Variants in RAB3C observed in about 807,000 individuals in gnomAD.
RAB3C encodes ras-related protein Rab-3C.
Under a neutral mutation model 26.4 loss-of-function variants are expected in RAB3C, and 17 were observed. The observed-to-expected ratio is 0.64, with a 90% confidence interval of 0.44 to 0.97. The LOEUF is 0.97. RAB3C is among the 50% of genes least tolerant of loss of function. The pLI, the probability that RAB3C is intolerant of heterozygous loss-of-function variation, is 0.00. For synonymous variants in RAB3C, 91 were observed against 95.9 expected (o/e 0.95, Z 0.30); for missense variants, 242 against 281.9 (o/e 0.86, Z 1.01).
intron 3 of RAB3C, among the ~76,000 whole-genome samples, chr5:58,763,041 A>AGG (rs1741830074): frequency 6.6e-6 from 1 of 152,244 alleles, no homozygotes; most frequent in South Asian, 2.1e-4. Context: ...AATGGGAACA[A>AGG]AACTTTTTTC....
intron 4 of RAB3C, among the ~76,000 whole-genome samples, chr5:58,828,100 G>A (rs1288581032): frequency 6.6e-6 from 1 of 152,182 alleles, no homozygotes; most frequent in Non-Finnish European, 1.5e-5. Context: ...TTGTAATGGA[G>A]CTCTTTAAAA....
rs562188288 is a variant in RAB3C at position 58,598,758 on chromosome 5, TAGG to T, written c.24+15529_24+15531del. Among the ~76,000 whole-genome samples the T allele has an allele frequency of 4.3e-3, 652 of 152,102 alleles. 4 individuals are homozygous for T. Among genetic ancestry groups the T allele is most frequent in the African/African-American group, 0.015 (609 of 41,506 alleles). On this transcript the variant is annotated intron_variant, in intron 1 of 4. Transcript: ENST00000282878. ...TGTGGCATATCATAACAATTGAAAA[TAGG>T]AGAAAATTTGAGTCATCTATTTCAG...
At chr5:58,608,165 A>T (rs973960556) in intron 1 of RAB3C, among the ~76,000 whole-genome samples, 1 of 152,164 alleles carries the variant, frequency 6.6e-6, no homozygotes, top group Non-Finnish European at 1.5e-5. Flanking sequence ...CAAACCCATC[A>T]GTGTACTGTA....
chr5:58,759,996 A>G (rs1423091983), intron 3 of RAB3C, among the ~76,000 whole-genome samples: 1 of 152,236 alleles, frequency 6.6e-6, no homozygotes, highest in East Asian at 1.9e-4. Flanking sequence ...AGCAACAGAG[A>G]GAATCAAGCC....
rs1390315397 is a variant in RAB3C at position 58,853,260 on chromosome 5, T to G, written c.*1909T>G. The G allele has an allele frequency of 6.6e-6, 1 of 152,204 alleles. No individual in the cohort carries two copies. Among genetic ancestry groups the G allele is most frequent in the Non-Finnish European group, 1.5e-5 (1 of 68,034 alleles). 9.4% of individuals were successfully genotyped at this position (152,204 alleles called of 1,614,324 possible). On this transcript the variant is annotated 3_prime_UTR_variant, in exon 5 of 5. Coordinates refer to ENST00000282878, the MANE Select transcript of RAB3C (RefSeq NM_138453.4). ...AAAACAGATTTGTTTGTAGCAGTAG[T>G]CTGTTTGTACAATGTTATAATATTT...
At chr5:58,684,648 A>C (rs979726139) in intron 2 of RAB3C, among the ~76,000 whole-genome samples, 13 of 152,218 alleles carry the variant, frequency 8.5e-5, no homozygotes, top group African/African-American at 3.1e-4. Flanking sequence ...TGAATTTAGC[A>C]GCTCATATAG....
At chr5:58,688,954 A>T (rs1465845558) in intron 2 of RAB3C, among the ~76,000 whole-genome samples, 1 of 152,110 alleles carries the variant, frequency 6.6e-6, no homozygotes, top group Non-Finnish European at 1.5e-5. Flanking sequence ...ATCCTCCATA[A>T]TAGGGACTAG....
At chr5:58,842,575 G>A (rs754909366) in intron 4 of RAB3C, among the ~76,000 whole-genome samples, 3 of 152,072 alleles carry the variant, frequency 2.0e-5, no homozygotes, top group Admixed American at 6.6e-5. Context: ...TTACTTAACT[G>A]GCATTTGCAT....
intron 2 of RAB3C, among the ~76,000 whole-genome samples, chr5:58,684,789 G>A (rs946345452): frequency 1.3e-5 from 2 of 152,170 alleles, no homozygotes; most frequent in African/African-American, 4.8e-5. Context: ...GTGACCAGGA[G>A]TTGCAATCCT....
intron 2 of RAB3C, among the ~76,000 whole-genome samples, chr5:58,666,492 TG>T (rs1266888470): frequency 1.3e-5 from 2 of 152,194 alleles, no homozygotes; most frequent in African/African-American, 4.8e-5. Flanking sequence ...TTGGAGTATT[TG>T]TTAAAATTCA....
At chr5:58,705,082 T>C (rs573523781) in intron 2 of RAB3C, among the ~76,000 whole-genome samples, 4 of 152,278 alleles carry the variant, frequency 2.6e-5, no homozygotes, top group African/African-American at 9.6e-5. Context: ...TATGATAATT[T>C]TTTTCCTGGA....
intron 2 of RAB3C, among the ~76,000 whole-genome samples, chr5:58,725,637 G>A (rs760829403): frequency 6.6e-6 from 1 of 151,846 alleles, no homozygotes; most frequent in Non-Finnish European, 1.5e-5. Flanking sequence ...ACTCAGTAGG[G>A]TGACTATAAT....
chr5:58,728,698 G>T (rs1042240878), intron 3 of RAB3C, among the ~76,000 whole-genome samples: 1 of 151,924 alleles, frequency 6.6e-6, no homozygotes, highest in Non-Finnish European at 1.5e-5. Flanking sequence ...CAAATCTCCC[G>T]TGAGATACAC....
At chr5:58,761,661 C>G (rs955835817) in intron 3 of RAB3C, among the ~76,000 whole-genome samples, 1 of 152,116 alleles carries the variant, frequency 6.6e-6, no homozygotes, top group Admixed American at 6.6e-5. Flanking sequence ...CACACTCACT[C>G]CAGACTTTGC....
At chr5:58,605,381 G>A (rs1165345414) in intron 1 of RAB3C, among the ~76,000 whole-genome samples, 3 of 152,120 alleles carry the variant, frequency 2.0e-5, no homozygotes, top group Non-Finnish European at 4.4e-5. Context: ...AAATGGAGAT[G>A]ATTTTGGTTC....
chr5:58,722,640 A>G (rs926671099), intron 2 of RAB3C, among the ~76,000 whole-genome samples: 1 of 151,752 alleles, frequency 6.6e-6, no homozygotes, highest in East Asian at 1.9e-4. Flanking sequence ...CATTTTAAAC[A>G]GTCTTTTGAA....
chr5:58,816,861 T>G (rs931934610), intron 3 of RAB3C, among the ~76,000 whole-genome samples: 1 of 152,170 alleles, frequency 6.6e-6, no homozygotes, highest in Non-Finnish European at 1.5e-5. Flanking sequence ...CAAGGCCCTA[T>G]GAAGGGTGCT....
chr5:58,683,250 A>T (rs1748382533), intron 2 of RAB3C, among the ~76,000 whole-genome samples: 1 of 152,240 alleles, frequency 6.6e-6, no homozygotes, highest in African/African-American at 2.4e-5. Flanking sequence ...TATAAGTTTT[A>T]AAGCTTGAAA....
intron 2 of RAB3C, among the ~76,000 whole-genome samples, chr5:58,666,838 A>C (rs1748012344): frequency 6.6e-6 from 1 of 152,218 alleles, no homozygotes; most frequent in Admixed American, 6.5e-5. Flanking sequence ...ATTTATGGAA[A>C]GTTGTGCTAC....
Sources: allele counts gnomAD v4.1 joint callset (sites outside exome capture counted in the v4.1 genomes callset), GRCh38; gene constraint gnomAD v4.1.1; transcripts MANE v1.5; gene names NCBI Gene and HGNC (gene_info 2026-07-23, HGNC 2026-07-21).